The following FANCM variants were observed in gnomAD, a reference collection of about 807,000 sequenced individuals.
FANCM encodes FA complementation group M.
A neutral mutation model predicts 199.5 loss-of-function variants in FANCM; 140 were observed. The observed-to-expected ratio is 0.70, with a 90% confidence interval of 0.61 to 0.81. The LOEUF is 0.81. Ranked by LOEUF, FANCM falls within the 30% of genes least tolerant of loss-of-function variation. The pLI, the probability that FANCM is intolerant of heterozygous loss-of-function variation, is 0.00. For synonymous variants in FANCM, 840 were observed against 836.8 expected (o/e 1.00, Z -0.07); for missense variants, 2,410 against 2,421.4 (o/e 1.00, Z 0.10).
In FANCM at chr14:45,185,221, T is replaced by C; in HGVS notation, c.4520T>C (p.Val1507Ala). ...TTTCTAATTTGTCTTACTTAGCATG[T>C]AGCTAGGAAGTTTTTAGATGATGAA... ...VPKRQSHLKHVARKFLDDEAE... is the reference protein window; with the variant it reads ...VPKRQSHLKHAARKFLDDEAE... Residue 1507 changes from valine to alanine, a missense_variant, in exon 18 of 23, where the codon GTA becomes GCA. Val to Ala is a moderately conservative substitution (Grantham distance 64, BLOSUM62 0). Coordinates refer to ENST00000267430, the MANE Select transcript of FANCM (RefSeq NM_020937.4). The C allele has an allele frequency of 1.3e-6, 2 of 1,586,096 alleles. No individual in the cohort carries two copies. The highest frequency in any genetic ancestry group is 1.7e-6 in the Non-Finnish European group (2 of 1,156,860).
chr14:45,166,610 T>C (rs538586124), intron 10 of FANCM, among the ~76,000 whole-genome samples: 1 of 151,988 alleles, frequency 6.6e-6, no homozygotes, highest in South Asian at 2.1e-4. Flanking sequence ...GGAGACCCCA[T>C]CTCTACAAAA....
At position 45,176,097 on chromosome 14, in the gene FANCM, A is replaced by T; in HGVS notation, c.3343A>T (p.Asn1115Tyr). The T allele has an allele frequency of 6.2e-7, 1 of 1,614,110 alleles. No homozygotes were observed. Among genetic ancestry groups the T allele is most frequent in the Non-Finnish European group, 8.5e-7 (1 of 1,179,970 alleles). ...TGCACAGAATTTAGTTGGAGAGAAC[A>T]ATCATGATGTTGATAACAGTGACCT... ...SPAQNLVGENNHDVDNSDLPV... is the reference protein window; with the variant it reads ...SPAQNLVGENYHDVDNSDLPV... The change falls in exon 14 of 23, where the codon AAT (asparagine) becomes TAT (tyrosine). Residue 1115 changes from asparagine (N) to tyrosine (Y), a missense_variant. Asn to Tyr is a moderately radical substitution (Grantham distance 143). Coordinates refer to ENST00000267430, the MANE Select transcript of FANCM (RefSeq NM_020937.4).
rs1885496616 is a variant in FANCM at position 45,136,306 on chromosome 14, G to A, written c.275G>A (p.Arg92Gln). Residue 92 changes from arginine (R) to glutamine (Q), a missense_variant, in exon 1 of 23, where the codon CGG becomes CAG. Transcript: ENST00000267430. ...LWIYPTNCPV[R>Q]DYQLHISRAA... ...ATTTACCCTACCAATTGCCCAGTGC[G>A]GGACTACCAGCTGCACATTTCCCGG... 2 of 1,614,150 alleles carry A rather than the reference G, an allele frequency of 1.2e-6. No individual in the cohort carries two copies. Among genetic ancestry groups the A allele is most frequent in the African/African-American group, 1.3e-5 (1 of 75,028 alleles).
At chr14:45,161,032 A>G (rs1887568356) in intron 9 of FANCM, among the ~76,000 whole-genome samples, 1 of 152,098 alleles carries the variant, frequency 6.6e-6, no homozygotes, top group Non-Finnish European at 1.5e-5. Flanking sequence ...TGAAAAATGA[A>G]TTGGATTTTT....
rs768392812 is a variant in FANCM, at chr14:45,189,250, C to A, written c.5228C>A (p.Ser1743Tyr). 5 of 1,613,800 alleles carry A rather than the reference C, an allele frequency of 3.1e-6. No individual in the cohort carries two copies. In the Admixed American group the frequency reaches 5.0e-5, roughly 16 times the overall value. ...QTSLNLKDTI[S>Y]EVSDFKPQNH... is the part of the protein sequence containing the mutation. ...TCGCTGAATTTAAAGGATACAATTT[C>A]CGAAGTCTCAGACTTCAAACCTCAG... The change falls in exon 20 of 23, where the codon TCC (serine) becomes TAC (tyrosine). Residue 1743 changes from serine to tyrosine, a missense_variant. Transcript: ENST00000267430.
chr14:45,183,857 T>A lies in FANCM; in HGVS notation c.4470T>A (p.Asn1490Lys). 2 of 1,612,100 alleles carry A rather than the reference T, an allele frequency of 1.2e-6. No individual in the cohort carries two copies. Among genetic ancestry groups the A allele is most frequent in the Non-Finnish European group, 8.5e-7 (1 of 1,178,438 alleles). Residue 1490 changes from asparagine (N) to lysine (K), a missense_variant, in exon 17 of 23, where the codon AAT becomes AAA. Transcript: ENST00000267430. Reference sequence around the variant, plus strand: ...AAGACTTCAAGGTTTGTAACGGGAATGCCAGAAGAGGCATCAAAGTCCCAA... The same window carrying A: ...AAGACTTCAAGGTTTGTAACGGGAAAGCCAGAAGAGGCATCAAAGTCCCAA... ...QLEDFKVCNG[N>K]ARRGIKVPKR... is the part of the protein sequence containing the mutation.
At chr14:45,162,043 G>A (rs1397999760) in intron 9 of FANCM, among the ~76,000 whole-genome samples, 3 of 152,136 alleles carry the variant, frequency 2.0e-5, no homozygotes, top group Admixed American at 1.3e-4. Context: ...TGACTCCAAG[G>A]TTTTTGGCCT....
rs1566783807 is a variant in FANCM, at chr14:45,189,335, C to A, written c.5313C>A (p.Asp1771Glu). The change falls in exon 20 of 23, where the codon GAC (aspartate) becomes GAA (glutamate). Residue 1771 changes from aspartate (D) to glutamate (E), a missense_variant. Transcript: ENST00000267430. ...PPFTTVDSQK[D>E]CRKFPVPQKD... ...TCACTACTGTTGATTCACAGAAAGA[C>A]TGTAGAAAATTTCCAGTTCCACAGA... 1 of 1,613,366 alleles carries A rather than the reference C, an allele frequency of 6.2e-7. No individual in the cohort carries two copies. Among genetic ancestry groups the A allele is most frequent in the East Asian group, 2.2e-5 (1 of 44,858 alleles).
chr14:45,155,448 A>G lies in FANCM; in HGVS notation c.1385A>G (p.Lys462Arg). The G allele has an allele frequency of 6.8e-7, 1 of 1,479,102 alleles. No homozygotes were observed. Among genetic ancestry groups the G allele is most frequent in the Non-Finnish European group, 9.4e-7 (1 of 1,058,602 alleles). The allele number at this position is 1,479,102 out of a possible 1,614,324, so 91.6% of individuals were successfully genotyped here. The change falls in exon 8 of 23, where the codon AAG (lysine) becomes AGG (arginine). Residue 462 changes from lysine to arginine, a missense_variant. By Grantham distance (26) the Lys-to-Arg change is conservative. Coordinates refer to ENST00000267430, the MANE Select transcript of FANCM (RefSeq NM_020937.4). ...KLEEVVIEHFKSWNAENTTEK... is the reference protein window; with the variant it reads ...KLEEVVIEHFRSWNAENTTEK... ...GAAGAAGTTGTAATTGAACACTTCA[A>G]GTCATGGAATGGTAGGTCATATTTA...
At chr14:45,195,733 G>A (rs535000832) in intron 20 of FANCM, 1 of 324,748 alleles carries the variant, frequency 3.1e-6, no homozygotes, top group African/African-American at 2.2e-5. Context: ...AACAGGTTTA[G>A]TTGTTTTCAA....
intron 9 of FANCM, among the ~76,000 whole-genome samples, chr14:45,162,794 T>C (rs1887695664): frequency 6.6e-6 from 1 of 152,096 alleles, no homozygotes; most frequent in Non-Finnish European, 1.5e-5. Context: ...ACATGTTAAC[T>C]AAAAAGAAAA....
Position 45,183,908 on chromosome 14 carries a change from CT to C in FANCM, c.4515+14del, listed in dbSNP as rs747887646. 9.3e-5 allele frequency: 149 copies of C among 1,601,980 alleles called. No individual in the cohort carries two copies. In the African/African-American group the frequency reaches 1.2e-3, roughly 13 times the overall value. ...AGAGACAGAGTCACTTAAAGGTAAT[CT>C]TTTTTTTAGTTTCTTTAAATATGTA... On this transcript the variant is annotated splice_region_variant and intron_variant, in intron 17 of 22. Transcript: ENST00000267430.
chr14:45,140,596 G>T (rs1291356462), intron 2 of FANCM, 36 bp from the exon 3 acceptor site: 4 of 1,120,726 alleles, frequency 3.6e-6, no homozygotes, highest in African/African-American at 3.1e-5. Flanking sequence ...TTTTTGCATT[G>T]AACAGATGAA....
At chr14:45,173,283 AT>A in intron 13 of FANCM, 73 bp downstream of exon 13, 1 of 1,317,090 alleles carries the variant, frequency 7.6e-7, no homozygotes, top group South Asian at 1.2e-5. Flanking sequence ...ATTTTTCTTA[AT>A]TTGAAGTAAT....
At chr14:45,142,646 T>C (rs751889117) in intron 3 of FANCM, among the ~76,000 whole-genome samples, 1 of 152,030 alleles carries the variant, frequency 6.6e-6, no homozygotes, top group Non-Finnish European at 1.5e-5. Context: ...TTGATGCTTT[T>C]GAAGTGTAGG....
Position 45,191,276 on chromosome 14 carries a change from G to A in FANCM, c.5340+1914G>A, listed in dbSNP as rs1889750070. ...GGGTGTGTTGGCCTTGGTTCTAGGT[G>A]GATACAGTAGTGTAGTTTCTTCAGC... is the stretch of plus-strand genomic sequence containing the variant. On this transcript the variant is annotated intron_variant, in intron 20 of 22. Coordinates refer to ENST00000267430, the MANE Select transcript of FANCM (RefSeq NM_020937.4). 2.0e-5 allele frequency among the ~76,000 whole-genome samples: 3 copies of A among 152,118 alleles called. No homozygotes were observed. In the South Asian group the frequency reaches 6.2e-4, roughly 32 times the overall value.
In FANCM at chr14:45,148,779, CTT is replaced by C. The variant is rs1886610201; in HGVS notation, c.760-57_760-56del. 6 of 1,267,658 alleles carry C rather than the reference CTT, an allele frequency of 4.7e-6. No homozygotes were observed. The East Asian group carries it at 7.1e-5, about 15-fold the overall frequency. 78.5% of individuals were successfully genotyped at this position (1,267,658 alleles called of 1,614,324 possible). On this transcript the variant is annotated intron_variant, in intron 3 of 22. Transcript: ENST00000267430. ...ACTGCTATTTTATTTCTGTTAGTGA[CTT>C]AAACTAAAAAATTTTAACATGTAGT...
At chr14:45,173,262 A>T (rs1411147971) in intron 13 of FANCM, 52 bp downstream of exon 13, 2 of 1,489,342 alleles carry the variant, frequency 1.3e-6, no homozygotes, top group Admixed American at 1.7e-5. Context: ...AAACTAGAGT[A>T]CTTAGCTTTT....
At chr14:45,165,635 A>C (rs1887917379) in intron 10 of FANCM, among the ~76,000 whole-genome samples, 1 of 152,198 alleles carries the variant, frequency 6.6e-6, no homozygotes, top group Non-Finnish European at 1.5e-5. Flanking sequence ...AATACTTTTC[A>C]TGTGATTATA....
Sources: allele counts gnomAD v4.1 joint callset (sites outside exome capture counted in the v4.1 genomes callset), GRCh38; gene constraint gnomAD v4.1.1; transcripts MANE v1.5; gene names NCBI Gene and HGNC (gene_info 2026-07-23, HGNC 2026-07-21).